The following FAAP20 variants were observed in gnomAD, a reference collection of about 807,000 sequenced individuals.
The protein encoded by FAAP20 is FA core complex associated protein 20.
A neutral mutation model predicts 16.2 loss-of-function variants in FAAP20; 12 were observed. The ratio of observed to expected loss-of-function variants is 0.74; its 90% CI spans 0.48 to 1.20. The LOEUF is 1.20. Among genes scored for constraint, FAAP20 ranks in the 50% most tolerant of loss-of-function variants. The pLI is 0.00. For missense variants in FAAP20, 288 were observed against 245.8 expected (o/e 1.17, Z -1.15); for synonymous variants, 141 against 110.7 (o/e 1.27, Z -1.72).
chr1:2,207,973 C>A (rs560387831), downstream of FAAP20, among the ~76,000 whole-genome samples: 1 of 151,922 alleles, frequency 6.6e-6, no homozygotes, highest in South Asian at 2.1e-4. Context: ...CGCGCGCATG[C>A]GTGCAGGCAT....
At chr1:2,197,300 C>T (rs1000492189), upstream of FAAP20, among the ~76,000 whole-genome samples, 23 of 152,248 alleles carry the variant, frequency 1.5e-4, no homozygotes, top group South Asian at 4.1e-4. Context: ...CAGCCCCTCC[C>T]GGCTCCCCCA....
chr1:2,207,771 G>A (rs1282151663), downstream of FAAP20: 2 of 152,454 alleles, frequency 1.3e-5, no homozygotes, highest in Non-Finnish European at 2.9e-5. Context: ...TGTTTGGGGA[G>A]AGCTCTGTCC....
At chr1:2,201,190 G>A (rs567601966), upstream of FAAP20, 22 of 1,244,010 alleles carry the variant, frequency 1.8e-5, no homozygotes, top group East Asian at 4.8e-4. Context: ...CAGAGGAGCC[G>A]TGGGGTGGCT....
upstream of FAAP20, chr1:2,199,465 C>T (rs921379542): frequency 1.0e-6 from 1 of 998,396 alleles, no homozygotes; most frequent in African/African-American, 1.7e-5. The surrounding 1 kb of genome is among the most constrained non-coding windows in gnomAD (Gnocchi z 4.5). Flanking sequence ...ATTGTGAGCT[C>T]AGATGCTGAT....
downstream of FAAP20, among the ~76,000 whole-genome samples, chr1:2,210,374 C>T (rs979763261): frequency 3.3e-5 from 5 of 152,220 alleles, no homozygotes; most frequent in African/African-American, 1.2e-4. Context: ...GTGACCTTCA[C>T]CCAGCCTGTG....
intron 3 of FAAP20, chr1:2,192,434 A>C: frequency 1.0e-6 from 1 of 998,392 alleles, no homozygotes; most frequent in South Asian, 4.4e-5. Context: ...TAAAAAGCTC[A>C]AAATGGCAAG....
Position 2,189,623 on chromosome 1 carries a change from G to GGCGGGGGAGCCGAGAGGCGGGGCTT in FAAP20, c.*85_*86insAAGCCCCGCCTCTCGGCTCCCCCGC. The GGCGGGGGAGCCGAGAGGCGGGGCTT allele has an allele frequency of 9.8e-7, 1 of 1,020,382 alleles. No homozygotes were observed. Among genetic ancestry groups the GGCGGGGGAGCCGAGAGGCGGGGCTT allele is most frequent in the Non-Finnish European group, 1.4e-6 (1 of 700,388 alleles). The allele number at this position is 1,020,382 out of a possible 1,614,324, so 63.2% of individuals were successfully genotyped here. ...TGCGGGGGAGCCGAGAGGCGGGGCT[G>GGCGGGGGAGCCGAGAGGCGGGGCTT]CTGGCGGGGGAGCCGAGAGGCGGGG... is the stretch of plus-strand genomic sequence containing the variant. On this transcript the variant is annotated 3_prime_UTR_variant, in exon 4 of 4. Coordinates refer to ENST00000378546, the MANE Select transcript of FAAP20 (RefSeq NM_182533.4).
At chr1:2,207,334 A>G (rs560254499), downstream of FAAP20, among the ~76,000 whole-genome samples, 1 of 152,238 alleles carries the variant, frequency 6.6e-6, no homozygotes, top group East Asian at 1.9e-4. Flanking sequence ...CTGGTAGATA[A>G]CTGGAGCTGG....
chr1:2,206,068 A>C (rs886661785), intron 3 of FAAP20, among the ~76,000 whole-genome samples: 8 of 152,220 alleles, frequency 5.3e-5, no homozygotes, highest in Admixed American at 5.2e-4. Flanking sequence ...TTACGTTCGC[A>C]TGGCCACTCT....
downstream of FAAP20, chr1:2,186,017 G>A: frequency 2.3e-6 from 1 of 438,648 alleles, no homozygotes; most frequent in Non-Finnish European, 4.6e-6. Context: ...TCAGGTGAAG[G>A]CACAGCTGTC....
chr1:2,185,631 A>G, downstream of FAAP20: 1 of 648,304 alleles, frequency 1.5e-6, no homozygotes, highest in Non-Finnish European at 2.9e-6. Context: ...CACCTTAAGC[A>G]GATGGCAGCT....
At chr1:2,202,138 G>A (rs560356050), upstream of FAAP20, among the ~76,000 whole-genome samples, 4 of 152,342 alleles carry the variant, frequency 2.6e-5, no homozygotes, top group Admixed American at 6.5e-5. Flanking sequence ...GGACTGTTTG[G>A]AGAACCAGGC....
chr1:2,184,637 G>A (rs1403459055), downstream of FAAP20: 4 of 1,614,032 alleles, frequency 2.5e-6, no homozygotes, highest in Admixed American at 1.7e-5. Context: ...AGACGACTAC[G>A]GTCTGGACAA....
upstream of FAAP20, chr1:2,201,326 A>G (rs1318684677): frequency 2.1e-6 from 2 of 962,882 alleles, no homozygotes; most frequent in Admixed American, 9.3e-5. Context: ...TCGAAGGCAC[A>G]GCCTGGAAGG....
upstream of FAAP20, chr1:2,203,471 G>T: frequency 1.0e-6 from 1 of 985,774 alleles, no homozygotes; most frequent in Non-Finnish European, 1.2e-6. Context: ...GCTCAGTCCA[G>T]CACAGGTGTT....
chr1:2,188,766 G>A (rs1035401860), downstream of FAAP20, among the ~76,000 whole-genome samples: 2 of 152,198 alleles, frequency 1.3e-5, no homozygotes, highest in Non-Finnish European at 2.9e-5. Context: ...AGCACTTCGG[G>A]AGGCCGAGGC....
upstream of FAAP20, chr1:2,203,522 C>A: frequency 1.0e-6 from 1 of 985,816 alleles, no homozygotes; most frequent in Non-Finnish European, 1.2e-6. Context: ...GTGCACCTGA[C>A]AGGGAAGGTA....
chr1:2,199,628 G>A (rs1226564207), upstream of FAAP20: 2 of 985,764 alleles, frequency 2.0e-6, no homozygotes, highest in African/African-American at 3.5e-5. This position sits in a 1 kb window ranked among gnomAD's most constrained non-coding sequence, Gnocchi z 4.5. Flanking sequence ...GAGGAGCACT[G>A]TGGGTTGAGC....
chr1:2,190,182 G>A lies in FAAP20; in HGVS notation c.471-401C>T, dbSNP rs1384577854. On this transcript the variant is annotated intron_variant, in intron 3 of 3. Coordinates refer to ENST00000378546, the MANE Select transcript of FAAP20 (RefSeq NM_182533.4). Reference sequence around the variant, plus strand: ...AGAGCCGCCGCGGCTGCGTCTACAGGAGGCAGAAGAGTAAACATGGCTGGG... The same window carrying A: ...AGAGCCGCCGCGGCTGCGTCTACAGAAGGCAGAAGAGTAAACATGGCTGGG... The A allele has an allele frequency of 8.4e-6, 4 of 473,710 alleles. No individual in the cohort carries two copies. The East Asian group carries it at 1.9e-4, about 23-fold the overall frequency. The allele number at this position is 473,710 out of a possible 1,614,324, so 29.3% of individuals were successfully genotyped here.
Sources: allele counts gnomAD v4.1 joint callset (sites outside exome capture counted in the v4.1 genomes callset), GRCh38; gene constraint gnomAD v4.1.1; non-coding constraint Gnocchi (gnomAD v3.1); transcripts MANE v1.5; gene names NCBI Gene and HGNC (gene_info 2026-07-23, HGNC 2026-07-21).